The following CNTN4 variants were observed in gnomAD, a reference collection of about 807,000 sequenced individuals.
CNTN4 encodes contactin 4, also known as contactin-4.
Under a neutral mutation model 122.5 loss-of-function variants are expected in CNTN4, and 77 were observed. The observed-to-expected ratio is 0.63, with a 90% CI of 0.52 to 0.76. The LOEUF (loss-of-function observed/expected upper bound fraction) is 0.76, where lower values mean the gene tolerates loss of function less well. CNTN4 is among the 30% of genes least tolerant of loss of function. The pLI is 0.00. For synonymous variants in CNTN4, 512 were observed against 447.0 expected (o/e 1.15, Z -1.83); for missense variants, 1,256 against 1,259.1 (o/e 1.00, Z 0.04).
chr3:2,798,950 T>G (rs2092279976), intron 6 of CNTN4, among the ~76,000 whole-genome samples: 1 of 152,196 alleles, frequency 6.6e-6, no homozygotes, highest in African/African-American at 2.4e-5. Context: ...TAATTTACAC[T>G]CCTACCGATG....
At chr3:2,790,296 G>A (rs759722242) in intron 6 of CNTN4, among the ~76,000 whole-genome samples, 5 of 152,190 alleles carry the variant, frequency 3.3e-5, no homozygotes, top group Non-Finnish European at 7.3e-5. Flanking sequence ...GTGGTGAAGT[G>A]AACTGGAGAG....
At chr3:2,862,699 C>T (rs571982993) in intron 7 of CNTN4, among the ~76,000 whole-genome samples, 1 of 152,194 alleles carries the variant, frequency 6.6e-6, no homozygotes, top group East Asian at 1.9e-4. Flanking sequence ...CATGAAAGTC[C>T]CTAAGGAAAT....
chr3:2,349,674 A>C, intron 3 of CNTN4, among the ~76,000 whole-genome samples: 1 of 152,236 alleles, frequency 6.6e-6, no homozygotes. Flanking sequence ...CCAAGCTTGT[A>C]GGGAATGATG....
intron 2 of CNTN4, among the ~76,000 whole-genome samples, chr3:2,115,132 G>T (rs2033252759): frequency 6.6e-6 from 1 of 152,154 alleles, no homozygotes; most frequent in Non-Finnish European, 1.5e-5. Flanking sequence ...CCTTGCTCCA[G>T]TACATCATGC....
At chr3:2,721,970 A>G (rs537006997) in intron 4 of CNTN4, among the ~76,000 whole-genome samples, 13 of 152,294 alleles carry the variant, frequency 8.5e-5, no homozygotes, top group African/African-American at 2.4e-4. Flanking sequence ...GACACAGCAA[A>G]TGGGTGCCCT....
chr3:2,352,451 G>A (rs1271384795), intron 3 of CNTN4, among the ~76,000 whole-genome samples: 1 of 152,142 alleles, frequency 6.6e-6, no homozygotes, highest in Non-Finnish European at 1.5e-5. Context: ...CTGGAGTTCC[G>A]GGTAGGTGCA....
chr3:2,115,281 G>T (rs1242506909), intron 2 of CNTN4, among the ~76,000 whole-genome samples: 5 of 152,234 alleles, frequency 3.3e-5, no homozygotes, highest in Non-Finnish European at 7.3e-5. Flanking sequence ...TGAACATGGT[G>T]TGTGGTCCAA....
At chr3:2,981,486 C>G (rs1291824788) in intron 13 of CNTN4, among the ~76,000 whole-genome samples, 3 of 151,808 alleles carry the variant, frequency 2.0e-5, no homozygotes, top group Admixed American at 6.6e-5. Flanking sequence ...CTCCCGTACC[C>G]TCACTATCTG....
chr3:2,695,153 A>G (rs1371213874), intron 4 of CNTN4, among the ~76,000 whole-genome samples: 1 of 152,206 alleles, frequency 6.6e-6, no homozygotes, highest in East Asian at 1.9e-4. Flanking sequence ...ATCTTACAGC[A>G]GACCCCAGAG....
At chr3:2,981,311 G>A (rs539582259) in intron 13 of CNTN4, among the ~76,000 whole-genome samples, 1 of 151,768 alleles carries the variant, frequency 6.6e-6, no homozygotes, top group Non-Finnish European at 1.5e-5. Context: ...GGGCGTGGTG[G>A]CGGGCGCCTG....
At chr3:2,977,445 T>C (rs1459962247) in intron 13 of CNTN4, among the ~76,000 whole-genome samples, 1 of 152,162 alleles carries the variant, frequency 6.6e-6, no homozygotes, top group Non-Finnish European at 1.5e-5. Context: ...TACTGGACTT[T>C]TATTCTTTGA....
At chr3:2,849,277 G>A (rs1201659489) in intron 7 of CNTN4, among the ~76,000 whole-genome samples, 2 of 152,284 alleles carry the variant, frequency 1.3e-5, no homozygotes, top group East Asian at 1.9e-4. Flanking sequence ...TTTAAAACCA[G>A]GCAGAAGGGA....
intron 2 of CNTN4, among the ~76,000 whole-genome samples, chr3:2,194,537 C>T (rs1465964652): frequency 6.6e-6 from 1 of 152,132 alleles, no homozygotes; most frequent in African/African-American, 2.4e-5. Flanking sequence ...TGAATTGTGT[C>T]CTTCCAAAAA....
intron 4 of CNTN4, among the ~76,000 whole-genome samples, chr3:2,582,700 G>T (rs2079999880): frequency 6.6e-6 from 1 of 152,146 alleles, no homozygotes; most frequent in Admixed American, 6.5e-5. Flanking sequence ...GTGTGAGAGT[G>T]ATCTTGAAGA....
At chr3:2,613,978 A>G (rs900598538) in intron 4 of CNTN4, among the ~76,000 whole-genome samples, 3 of 152,132 alleles carry the variant, frequency 2.0e-5, no homozygotes, top group African/African-American at 7.2e-5. Context: ...GGATACAGTA[A>G]TGAATGAGAT....
At position 2,421,556 on chromosome 3, in the gene CNTN4, C is replaced by G. The variant is rs919421776; in HGVS notation, c.-89+82323C>G. On this transcript the variant is annotated intron_variant, in intron 3 of 24. Transcript: ENST00000418658. The stretch of plus-strand genomic sequence containing the variant: ...TGTTAGCCACCGCTCCCAGCCCCAG[C>G]CTTCATATTGTTTATCTTGATTTCT... Among the ~76,000 whole-genome samples, 4 of 152,094 alleles carry G rather than the reference C, an allele frequency of 2.6e-5. 1 individual carries two copies. In the South Asian group the frequency reaches 6.2e-4, roughly 24 times the overall value.
intron 2 of CNTN4, among the ~76,000 whole-genome samples, chr3:2,123,582 T>C (rs985258808): frequency 6.6e-6 from 1 of 152,216 alleles, no homozygotes; most frequent in Non-Finnish European, 1.5e-5. Flanking sequence ...TATCTTCCCA[T>C]GCTGACCCTA....
At chr3:2,255,583 A>G (rs1167452800) in intron 2 of CNTN4, among the ~76,000 whole-genome samples, 3 of 152,216 alleles carry the variant, frequency 2.0e-5, no homozygotes, top group Admixed American at 6.5e-5. Context: ...AATATGACAA[A>G]CAGTCTCTCA....
chr3:2,672,640 G>A (rs935981399), intron 4 of CNTN4, among the ~76,000 whole-genome samples: 2 of 152,196 alleles, frequency 1.3e-5, no homozygotes, highest in Non-Finnish European at 2.9e-5. Context: ...CCAGTGAGAT[G>A]TACCTGGTAC....
Sources: gnomAD v4.1 joint callset for allele counts (sites outside exome capture counted in the v4.1 genomes callset) on GRCh38, gnomAD v4.1.1 for gene constraint, MANE v1.5 for transcripts, NCBI Gene and HGNC (gene_info 2026-07-23, HGNC 2026-07-21) for gene names.